The following RTN1 variants were observed in gnomAD, a reference collection of about 807,000 sequenced individuals.
The protein encoded by RTN1 is reticulon-1.
A neutral mutation model predicts 65.5 loss-of-function variants in RTN1; 25 were observed. That is an observed-to-expected ratio of 0.38 (90% CI 0.28 to 0.53). The LOEUF (loss-of-function observed/expected upper bound fraction) is 0.53. Among genes scored for constraint, RTN1 ranks in the 20% least tolerant of loss-of-function variants. The pLI is 0.79. For missense variants in RTN1, 983 were observed against 1,025.4 expected, an observed-to-expected ratio of 0.96 and a Z score of 0.57; for synonymous variants, 471 against 447.6, an observed-to-expected ratio of 1.05 and a Z score of -0.66.
chr14:59,648,199 A>G (rs1171749000), intron 3 of RTN1, among the ~76,000 whole-genome samples: 1 of 152,162 alleles, frequency 6.6e-6, no homozygotes, highest in African/African-American at 2.4e-5. Flanking sequence ...TAGAAGAGAT[A>G]AATAAATTCC....
chr14:59,754,038 G>C (rs965440297), intron 1 of RTN1, among the ~76,000 whole-genome samples: 2 of 152,094 alleles, frequency 1.3e-5, no homozygotes, highest in Admixed American at 1.3e-4. Flanking sequence ...CAGTTACCTG[G>C]ATGCATTTAA....
At chr14:59,660,774 A>G (rs1594660592) in intron 3 of RTN1, among the ~76,000 whole-genome samples, 1 of 152,252 alleles carries the variant, frequency 6.6e-6, no homozygotes, top group East Asian at 1.9e-4. Flanking sequence ...ATTCCCAAAA[A>G]AGAAACCAGG....
chr14:59,616,806 T>C (rs532636773), intron 3 of RTN1, among the ~76,000 whole-genome samples: 1 of 152,296 alleles, frequency 6.6e-6, no homozygotes, highest in Admixed American at 6.5e-5. Flanking sequence ...AATTGTGCTA[T>C]TGAAAGAGAG....
intron 3 of RTN1, among the ~76,000 whole-genome samples, chr14:59,665,606 G>A (rs956744800): frequency 2.6e-5 from 4 of 152,178 alleles, no homozygotes; most frequent in African/African-American, 9.7e-5. Flanking sequence ...AACCTTAAAT[G>A]TAAATGGGCT....
intron 3 of RTN1, among the ~76,000 whole-genome samples, chr14:59,639,843 T>C (rs1646724334): frequency 6.6e-6 from 1 of 152,230 alleles, no homozygotes; most frequent in African/African-American, 2.4e-5. Flanking sequence ...AAATTTTGAA[T>C]GTTAAACTTT....
intron 3 of RTN1, 77 bp from the exon 4 acceptor site, chr14:59,607,569 G>T: frequency 8.2e-7 from 1 of 1,225,434 alleles, no homozygotes; most frequent in Non-Finnish European, 1.2e-6. Context: ...ACTCCACCAA[G>T]CTGTGGTTGC....
intron 3 of RTN1, among the ~76,000 whole-genome samples, chr14:59,695,261 A>G (rs779069179): frequency 3.9e-5 from 6 of 152,132 alleles, no homozygotes; most frequent in Non-Finnish European, 5.9e-5. Flanking sequence ...TAGGCTTATG[A>G]TAAGAAAGTG....
chr14:59,695,354 T>C lies in RTN1; in HGVS notation c.1765+31565A>G, dbSNP rs145328253. Among the ~76,000 whole-genome samples, 125 of 152,332 alleles carry C rather than the reference T, an allele frequency of 8.2e-4. 2 individuals are homozygous for C. In the East Asian group the frequency reaches 0.013, roughly 16 times the overall value. On this transcript the variant is annotated intron_variant, in intron 3 of 8. Transcript: ENST00000267484. ...CATCCACTGGCTTTGGGCTTGGCTATGGCACAGGCTTTGGCTAATGGGATG... is the reference window on the plus strand; with the variant it reads ...CATCCACTGGCTTTGGGCTTGGCTACGGCACAGGCTTTGGCTAATGGGATG...
At chr14:59,689,991 T>C (rs2140227431) in intron 3 of RTN1, among the ~76,000 whole-genome samples, 1 of 152,178 alleles carries the variant, frequency 6.6e-6, no homozygotes, top group East Asian at 1.9e-4. Flanking sequence ...TTCCTTTTTT[T>C]TTTTTTGGTA....
intron 1 of RTN1, among the ~76,000 whole-genome samples, chr14:59,823,837 G>A (rs938385902): frequency 3.4e-4 from 52 of 152,290 alleles, no homozygotes; most frequent in African/African-American, 1.3e-3. Context: ...AATTTTGGTG[G>A]ACAATATCCT....
chr14:59,607,584 G>C (rs113474546), intron 3 of RTN1, 92 bp from the exon 4 acceptor site: 10 of 1,098,034 alleles, frequency 9.1e-6, no homozygotes, highest in African/African-American at 4.7e-5. Flanking sequence ...GGTTGCTGTG[G>C]GTTCTCACCT....
intron 3 of RTN1, among the ~76,000 whole-genome samples, chr14:59,640,662 T>C (rs941967119): frequency 6.6e-6 from 1 of 152,202 alleles, no homozygotes; most frequent in Non-Finnish European, 1.5e-5. Flanking sequence ...GCATAAATTT[T>C]TTATAACATC....
intron 8 of RTN1, 67 bp from the exon 9 acceptor site, chr14:59,596,854 T>G: frequency 8.0e-7 from 1 of 1,253,148 alleles, no homozygotes; most frequent in Non-Finnish European, 1.2e-6. Flanking sequence ...TATGTGTTGT[T>G]GCTTTAATTA....
intron 1 of RTN1, among the ~76,000 whole-genome samples, chr14:59,796,931 G>T (rs1886450541): frequency 6.6e-6 from 1 of 152,130 alleles, no homozygotes; most frequent in Non-Finnish European, 1.5e-5. Context: ...ACACAAAGTA[G>T]GGGTTCAATA....
At chr14:59,764,678 A>G (rs1007866188) in intron 1 of RTN1, among the ~76,000 whole-genome samples, 1 of 152,198 alleles carries the variant, frequency 6.6e-6, no homozygotes, top group Admixed American at 6.5e-5. Context: ...CTAGAAGTAC[A>G]TAAGTTTAAG....
In RTN1 at chr14:59,870,376, G is replaced by A. The variant is rs1486124549; in HGVS notation, c.241+14C>T. 2 of 1,495,330 alleles carry A rather than the reference G, an allele frequency of 1.3e-6. No individual in the cohort carries two copies. The highest frequency in any genetic ancestry group is 1.8e-6 in the Non-Finnish European group (2 of 1,133,100). The allele number at this position is 1,495,330 out of a possible 1,614,324, so 92.6% of individuals were successfully genotyped here. ...TCCCCGACGCCATTTGAGGGGCAGCGGCGCCCGCCTTACCTGTGGATGCAG... is the reference window on the plus strand; with the variant it reads ...TCCCCGACGCCATTTGAGGGGCAGCAGCGCCCGCCTTACCTGTGGATGCAG... On this transcript the variant is annotated intron_variant, in intron 1 of 8. Transcript: ENST00000267484. This position sits in a 1 kb window ranked among gnomAD's most constrained non-coding sequence, Gnocchi z 5.1.
intron 3 of RTN1, among the ~76,000 whole-genome samples, chr14:59,642,180 TTAA>T (rs1424862276): frequency 6.6e-6 from 1 of 152,228 alleles, no homozygotes; most frequent in Non-Finnish European, 1.5e-5. Context: ...ACATCTAGAC[TTAA>T]TAATTTCAGT....
At chr14:59,776,632 A>C (rs1486205081) in intron 1 of RTN1, among the ~76,000 whole-genome samples, 3 of 151,966 alleles carry the variant, frequency 2.0e-5, no homozygotes, top group Non-Finnish European at 4.4e-5. Context: ...TCTCTATCTC[A>C]TTTGTTCTCA....
intron 2 of RTN1, among the ~76,000 whole-genome samples, chr14:59,745,219 C>T (rs562288416): frequency 3.3e-5 from 5 of 152,286 alleles, no homozygotes; most frequent in Admixed American, 6.5e-5. Flanking sequence ...TTACCAGATG[C>T]GCCCCTTTGA....
Sources: allele counts gnomAD v4.1 joint callset (sites outside exome capture counted in the v4.1 genomes callset), GRCh38; gene constraint gnomAD v4.1.1; non-coding constraint Gnocchi (gnomAD v3.1); transcripts MANE v1.5; gene names NCBI Gene and HGNC (gene_info 2026-07-23, HGNC 2026-07-21).